SRP68: variants seen among roughly 807,000 people sequenced by gnomAD.
The protein encoded by SRP68 is signal recognition particle subunit SRP68.
Under a neutral mutation model 82.2 loss-of-function variants are expected in SRP68, and 15 were observed. That is an observed-to-expected ratio of 0.18 (90% CI 0.12 to 0.28). SRP68 has a LOEUF of 0.28. Among genes scored for constraint, SRP68 ranks in the 10% least tolerant of loss-of-function variants. The probability of loss-of-function intolerance (pLI) is 1.00; values close to 1 mark genes in which losing one functional copy is unlikely to be tolerated. For synonymous variants in SRP68, 261 were observed against 292.6 expected, an observed-to-expected ratio of 0.89 and a Z score of 1.10; for missense variants, 595 against 780.5, an observed-to-expected ratio of 0.76 and a Z score of 2.83.
In SRP68 at chr17:76,060,680, G is replaced by C; in HGVS notation, c.755-290C>G. On this transcript the variant is annotated intron_variant, in intron 6 of 15. Transcript: ENST00000307877. ...CTGATGTAAACTATGGACTTTGGGA[G>C]ATGATGGTGTGTCTATAAAGGGCCA... 3 of 380,644 alleles carry C rather than the reference G, an allele frequency of 7.9e-6. No individual in the cohort carries two copies. The South Asian group carries it at 1.3e-4, about 17-fold the overall frequency. The allele number at this position is 380,644 out of a possible 1,614,324, so 23.6% of individuals were successfully genotyped here. A position where few individuals can be genotyped will look rare whatever the true frequency, so the allele number is the denominator to read the frequency against.
At chr17:76,052,522 G>A (rs1432792111) in intron 8 of SRP68, among the ~76,000 whole-genome samples, 1 of 152,100 alleles carries the variant, frequency 6.6e-6, no homozygotes, top group Non-Finnish European at 1.5e-5. Flanking sequence ...CCTAGATGAT[G>A]GGCTGGGCGC....
At chr17:76,062,983 G>C (rs1286578743) in intron 4 of SRP68, among the ~76,000 whole-genome samples, 1 of 150,636 alleles carries the variant, frequency 6.6e-6, no homozygotes, top group African/African-American at 2.4e-5. Context: ...TGTTAGCCAG[G>C]ATGGTCTCGA....
chr17:76,039,060 C>T lies in SRP68; in HGVS notation c.*646G>A, dbSNP rs910657972. The T allele has an allele frequency of 5.4e-5, 14 of 260,592 alleles. No individual in the cohort carries two copies. Among genetic ancestry groups the T allele is most frequent in the East Asian group, 8.7e-5 (1 of 11,460 alleles). 16.1% of individuals were successfully genotyped at this position (260,592 alleles called of 1,614,324 possible). Reference sequence around the variant, plus strand: ...CGCAACTAGGCTCCCGAGGAGAGAACGGGGACTGGACATGAGGGAGGGCAT... The same window carrying T: ...CGCAACTAGGCTCCCGAGGAGAGAATGGGGACTGGACATGAGGGAGGGCAT... On this transcript the variant is annotated 3_prime_UTR_variant, in exon 16 of 16. Transcript: ENST00000307877.
intron 7 of SRP68, among the ~76,000 whole-genome samples, chr17:76,058,470 G>A (rs2066728009): frequency 6.6e-6 from 1 of 151,788 alleles, no homozygotes; most frequent in Admixed American, 6.6e-5. Flanking sequence ...TGTTGCCCCG[G>A]CTGGTCTTGA....
In SRP68 at chr17:76,039,798, C is replaced by T. The variant is rs1440440687; in HGVS notation, c.1792G>A (p.Val598Met). The T allele has an allele frequency of 8.7e-6, 14 of 1,614,088 alleles. No homozygotes were observed. Among genetic ancestry groups the T allele is most frequent in the Non-Finnish European group, 1.2e-5 (14 of 1,180,046 alleles). The change falls in exon 16 of 16, where the codon GTG (valine) becomes ATG (methionine). Residue 598 changes from valine to methionine, a missense_variant. Coordinates refer to ENST00000307877, the MANE Select transcript of SRP68 (RefSeq NM_014230.4). ...PLFFDLALNH[V>M]AFPPLEDKLE... The stretch of plus-strand genomic sequence containing the variant: ...TTGTCCTCAAGGGGTGGGAAAGCCA[C>T]ATGGTTGAGGGCCAGGTCAAAGAAC...
intron 7 of SRP68, 108 bp from the exon 8 acceptor site, chr17:76,057,651 C>A: frequency 8.0e-7 from 1 of 1,248,926 alleles, no homozygotes. Context: ...ACATATTATA[C>A]TCCATAGAAA....
chr17:76,060,224 T>A (rs1441243865), intron 7 of SRP68, 84 bp downstream of exon 7: 4 of 681,026 alleles, frequency 5.9e-6, no homozygotes, highest in Non-Finnish European at 9.7e-6. Flanking sequence ...CATATATTAA[T>A]ATCAAATATC....
At chr17:76,049,891 C>T (rs1291521938) in intron 9 of SRP68, among the ~76,000 whole-genome samples, 2 of 152,030 alleles carry the variant, frequency 1.3e-5, no homozygotes, top group Non-Finnish European at 2.9e-5. Context: ...AGAAAGATTC[C>T]ATTTGTACTT....
At chr17:76,063,059 C>G (rs577150364) in intron 4 of SRP68, among the ~76,000 whole-genome samples, 1 of 151,566 alleles carries the variant, frequency 6.6e-6, no homozygotes, top group Non-Finnish European at 1.5e-5. Flanking sequence ...CGTGAGCCAC[C>G]ACGCCCGGCC....
intron 4 of SRP68, among the ~76,000 whole-genome samples, chr17:76,062,985 T>C (rs541268262): frequency 2.0e-4 from 30 of 150,968 alleles, no homozygotes; most frequent in African/African-American, 2.9e-4. Context: ...TTAGCCAGGA[T>C]GGTCTCGATC....
intron 13 of SRP68, chr17:76,043,618 C>G (rs2066607906): frequency 2.9e-6 from 1 of 350,648 alleles, no homozygotes; most frequent in East Asian, 5.0e-5. Context: ...AATGCCTTCC[C>G]TTCTTCATAC....
intron 8 of SRP68, among the ~76,000 whole-genome samples, chr17:76,055,917 C>G (rs1292568113): frequency 1.4e-5 from 2 of 146,828 alleles, no homozygotes. Context: ...AAGTGATCCT[C>G]TTGCCTCAGC....
Position 76,072,299 on chromosome 17 carries a change from C to G in SRP68, c.184+9G>C, listed in dbSNP as rs1260743803. On this transcript the variant is annotated intron_variant, in intron 1 of 15. Coordinates refer to ENST00000307877, the MANE Select transcript of SRP68 (RefSeq NM_014230.4). This position sits in a 1 kb window ranked among gnomAD's most constrained non-coding sequence, Gnocchi z 4.5. ...TCATTGCGAGTTAGGCCCGATTACT[C>G]TAGGATACTCTCCAAACTCAGGCTA... 1 of 1,611,838 alleles carries G rather than the reference C, an allele frequency of 6.2e-7. No individual in the cohort carries two copies.
chr17:76,054,489 T>A (rs1394731995), intron 8 of SRP68, among the ~76,000 whole-genome samples: 2 of 152,186 alleles, frequency 1.3e-5, no homozygotes, highest in African/African-American at 4.8e-5. Flanking sequence ...CATTGTTTTT[T>A]AAGAAAAAGA....
In SRP68 at chr17:76,050,313, G is replaced by GA. The variant is rs983774822; in HGVS notation, c.1077+114dup. ...GACCTCACCTCAAAAAAACAAAAAC[G>GA]AAACAGTGGCCAAGCGAGCAGTGCA... On this transcript the variant is annotated intron_variant, in intron 9 of 15. Transcript: ENST00000307877. 8.4e-6 allele frequency: 6 copies of GA among 714,520 alleles called. No individual in the cohort carries two copies. The African/African-American group carries it at 8.9e-5, about 11-fold the overall frequency. 44.3% of individuals were successfully genotyped at this position (714,520 alleles called of 1,614,324 possible).
At chr17:76,054,093 T>C (rs1177292891) in intron 8 of SRP68, among the ~76,000 whole-genome samples, 3 of 152,288 alleles carry the variant, frequency 2.0e-5, no homozygotes, top group Admixed American at 2.0e-4. Context: ...TCCAAATGAA[T>C]CAATCAATCC....
intron 9 of SRP68, chr17:76,048,517 G>A (rs2144493378): frequency 6.6e-6 from 1 of 152,532 alleles, no homozygotes; most frequent in East Asian, 1.9e-4. Flanking sequence ...GAGGGAGGCA[G>A]ATGGGTCAGA....
chr17:76,054,779 C>T (rs1266205603), intron 8 of SRP68, among the ~76,000 whole-genome samples: 2 of 151,764 alleles, frequency 1.3e-5, no homozygotes, highest in African/African-American at 4.8e-5. Context: ...GCTGAGATCA[C>T]ACCATTGCAC....
chr17:76,062,736 T>TTATACA lies in SRP68; in HGVS notation c.562-1163_562-1162insTGTATA, dbSNP rs1567935216. Among the ~76,000 whole-genome samples, 117 of 17,750 alleles carry TTATACA rather than the reference T, an allele frequency of 6.6e-3. 34 individuals carry two copies. Among genetic ancestry groups the TTATACA allele is most frequent in the East Asian group, 0.017 (11 of 636 alleles). The allele number at this position is 17,750 out of a possible 152,430, so 11.6% of individuals were successfully genotyped here. On this transcript the variant is annotated intron_variant, in intron 4 of 15. Transcript: ENST00000307877. ...CAATATATTATATTTATTTTATATA[T>TTATACA]ATATATATATATATATATATATATA...
Sources: gnomAD v4.1 joint callset for allele counts (sites outside exome capture counted in the v4.1 genomes callset) on GRCh38, gnomAD v4.1.1 for gene constraint, Gnocchi (gnomAD v3.1) non-coding constraint, MANE v1.5 for transcripts, NCBI Gene and HGNC (gene_info 2026-07-23, HGNC 2026-07-21) for gene names.